MIPOL1: variants seen among roughly 807,000 people sequenced by gnomAD.
The protein encoded by MIPOL1 is mirror-image polydactyly gene 1 protein.
MIPOL1 carries 57 observed loss-of-function variants against 60.9 expected under a neutral mutation model. The ratio of observed to expected loss-of-function variants is 0.94; its 90% CI spans 0.76 to 1.17. MIPOL1 has a LOEUF of 1.17. MIPOL1 is among the 50% of genes most tolerant of loss of function. MIPOL1 has a pLI of 0.00. For missense variants in MIPOL1, 551 were observed against 511.6 expected (o/e 1.08, Z -0.74); for synonymous variants, 179 against 168.8 (o/e 1.06, Z -0.47).
chr14:37,444,964 A>G (rs1435799170), intron 11 of MIPOL1, among the ~76,000 whole-genome samples: 1 of 152,190 alleles, frequency 6.6e-6, no homozygotes, highest in Non-Finnish European at 1.5e-5. Flanking sequence ...CCCACAGCCA[A>G]TATCATACTG....
chr14:37,222,313 C>T (rs1245412791), intron 1 of MIPOL1, among the ~76,000 whole-genome samples: 1 of 151,262 alleles, frequency 6.6e-6, no homozygotes, highest in African/African-American at 2.4e-5. Context: ...GCCTGGACCT[C>T]CTGGGCTCAA....
At chr14:37,221,619 A>AAG (rs371201087) in intron 1 of MIPOL1, among the ~76,000 whole-genome samples, 2 of 151,014 alleles carry the variant, frequency 1.3e-5, no homozygotes, top group East Asian at 1.9e-4. Flanking sequence ...ATTGTGGAGC[A>AAG]AGAGAGAGAG....
At chr14:37,312,053 A>AT (rs2087387915) in intron 9 of MIPOL1, among the ~76,000 whole-genome samples, 1 of 151,572 alleles carries the variant, frequency 6.6e-6, no homozygotes, top group South Asian at 2.1e-4. Flanking sequence ...TTAAAGTGAG[A>AT]TTTTGAGTTT....
At chr14:37,322,509 T>A in intron 9 of MIPOL1, among the ~76,000 whole-genome samples, 1 of 152,076 alleles carries the variant, frequency 6.6e-6, no homozygotes, top group Non-Finnish European at 1.5e-5. Flanking sequence ...TATCTTTTTT[T>A]AAAACTTGTA....
rs1281002306 is a variant in MIPOL1 at position 37,524,565 on chromosome 14, CTTTTCTTT to C, written c.1263-22335_1263-22328del. 9.6e-5 allele frequency among the ~76,000 whole-genome samples: 12 copies of C among 124,848 alleles called. 1 individual carries two copies. The highest frequency in any genetic ancestry group is 2.4e-4 in the East Asian group (1 of 4,232). 81.9% of individuals were successfully genotyped at this position (124,848 alleles called of 152,430 possible). ...TCTTGACATCTTAATTTTTCTTTTT[CTTTTCTTT>C]TTTTTTTTTTTTGAGATGGAGTCTC... On this transcript the variant is annotated intron_variant, in intron 12 of 12. Coordinates refer to ENST00000684589, the MANE Select transcript of MIPOL1 (RefSeq NM_001388067.1).
chr14:37,433,048 G>C (rs1354250213), intron 11 of MIPOL1, among the ~76,000 whole-genome samples: 1 of 152,114 alleles, frequency 6.6e-6, no homozygotes, highest in East Asian at 1.9e-4. Context: ...GTGAAGGGCT[G>C]ATGTTGTACT....
At chr14:37,209,838 G>A (rs1400673615) in intron 1 of MIPOL1, among the ~76,000 whole-genome samples, 1 of 151,676 alleles carries the variant, frequency 6.6e-6, no homozygotes, top group Non-Finnish European at 1.5e-5. Flanking sequence ...CAGGTAGCTG[G>A]GACTACAAGT....
chr14:37,379,665 A>G (rs2092874165), intron 10 of MIPOL1, among the ~76,000 whole-genome samples: 1 of 152,062 alleles, frequency 6.6e-6, no homozygotes, highest in South Asian at 2.1e-4. Context: ...GAACAGGCAT[A>G]TTTCTAAGGC....
intron 12 of MIPOL1, among the ~76,000 whole-genome samples, chr14:37,546,213 A>G (rs2095546895): frequency 6.6e-6 from 1 of 152,214 alleles, no homozygotes; most frequent in Non-Finnish European, 1.5e-5. Context: ...GTCAACTAAA[A>G]AAATCATTTT....
At chr14:37,215,133 TTC>T (rs1025424229) in intron 1 of MIPOL1, among the ~76,000 whole-genome samples, 11 of 150,590 alleles carry the variant, frequency 7.3e-5, no homozygotes, top group Admixed American at 1.3e-4. Context: ...GTAAGCTGTC[TTC>T]TCTCTCTCTC....
chr14:37,428,925 T>A (rs1762977635), intron 11 of MIPOL1, among the ~76,000 whole-genome samples: 1 of 152,170 alleles, frequency 6.6e-6, no homozygotes, highest in African/African-American at 2.4e-5. Context: ...CTGATAGCTC[T>A]TATGCATTAA....
At chr14:37,509,486 C>A (rs935446402) in intron 12 of MIPOL1, among the ~76,000 whole-genome samples, 9 of 151,812 alleles carry the variant, frequency 5.9e-5, no homozygotes, top group African/African-American at 2.2e-4. Context: ...AATCTGTTTG[C>A]AGGATGAATT....
At chr14:37,217,977 TTATC>T (rs1286428008) in intron 1 of MIPOL1, among the ~76,000 whole-genome samples, 5 of 152,194 alleles carry the variant, frequency 3.3e-5, no homozygotes, top group Non-Finnish European at 5.9e-5. Context: ...TTTAAAAAAA[TTATC>T]TAGTTCAAAA....
chr14:37,393,815 G>A (rs2093309009), intron 10 of MIPOL1, among the ~76,000 whole-genome samples: 1 of 150,908 alleles, frequency 6.6e-6, no homozygotes, highest in African/African-American at 2.4e-5. Flanking sequence ...AATATACACT[G>A]CACCCTGTTT....
At chr14:37,513,343 G>T (rs957642970) in intron 12 of MIPOL1, among the ~76,000 whole-genome samples, 1 of 151,882 alleles carries the variant, frequency 6.6e-6, no homozygotes, top group Non-Finnish European at 1.5e-5. Flanking sequence ...TATAAAGTAG[G>T]TTTCTTTAGA....
rs2087650641 is a variant in MIPOL1, at chr14:37,314,318, A to G, written c.828+5799A>G. Among the ~76,000 whole-genome samples, 2 of 152,170 alleles carry G rather than the reference A, an allele frequency of 1.3e-5. 1 individual carries two copies. Among genetic ancestry groups the G allele is most frequent in the Admixed American group, 1.3e-4 (2 of 15,266 alleles). On this transcript the variant is annotated intron_variant, in intron 9 of 12. Coordinates refer to ENST00000684589, the MANE Select transcript of MIPOL1 (RefSeq NM_001388067.1). ...GGGGTAATTAAAGAAATTCAGCTAAACATTTCACTGTTCAGATTCCTTTAC... is the reference window on the plus strand; with the variant it reads ...GGGGTAATTAAAGAAATTCAGCTAAGCATTTCACTGTTCAGATTCCTTTAC...
At chr14:37,214,474 C>T (rs910950874) in intron 1 of MIPOL1, among the ~76,000 whole-genome samples, 4 of 151,990 alleles carry the variant, frequency 2.6e-5, no homozygotes, top group Non-Finnish European at 5.9e-5. Flanking sequence ...GGTGCTGAGG[C>T]AAGAGACCGA....
chr14:37,370,926 G>T (rs1033455293), intron 10 of MIPOL1, among the ~76,000 whole-genome samples: 1 of 152,152 alleles, frequency 6.6e-6, no homozygotes, highest in African/African-American at 2.4e-5. Context: ...TATTGTCAGT[G>T]TTAGGGGACA....
At chr14:37,528,737 C>T (rs909165232) in intron 12 of MIPOL1, among the ~76,000 whole-genome samples, 6 of 152,074 alleles carry the variant, frequency 3.9e-5, no homozygotes, top group Non-Finnish European at 8.8e-5. Context: ...TTCAAAATTT[C>T]TGTACTTTTT....
Sources: gnomAD v4.1 joint callset for allele counts (sites outside exome capture counted in the v4.1 genomes callset) on GRCh38, gnomAD v4.1.1 for gene constraint, MANE v1.5 for transcripts, NCBI Gene and HGNC (gene_info 2026-07-23, HGNC 2026-07-21) for gene names.